Variants in MYCL observed in about 807,000 individuals in gnomAD.
MYCL encodes protein L-Myc.
A neutral mutation model predicts 31.0 loss-of-function variants in MYCL; 11 were observed. The observed-to-expected ratio is 0.35, with a 90% confidence interval of 0.22 to 0.59. The LOEUF (loss-of-function observed/expected upper bound fraction) is 0.59. Among genes scored for constraint, MYCL ranks in the 20% least tolerant of loss-of-function variants. The pLI, the probability that MYCL is intolerant of heterozygous loss-of-function variation, is 0.79. For synonymous variants in MYCL, 208 were observed against 202.4 expected (o/e 1.03, Z -0.23); for missense variants, 427 against 486.1 (o/e 0.88, Z 1.14).
Position 39,897,501 on chromosome 1 carries a change from G to C in MYCL, c.966C>G (p.Ile322Met). 1 of 1,614,200 alleles carries C rather than the reference G, an allele frequency of 6.2e-7. No individual in the cohort carries two copies. Among genetic ancestry groups the C allele is most frequent in the Admixed American group, 1.7e-5 (1 of 60,020 alleles). ...GCAAGTATTCCAAGGCCTTGCTTAG[G>C]ATCACTACTTTGGGGGCCTTGGAGC... ...ASCSKAPKVV[I>M]LSKALEYLQA... The change falls in exon 2 of 2, where the codon ATC becomes ATG. Residue 322 changes from isoleucine to methionine, a missense_variant. Physicochemically the swap from Ile to Met is conservative, Grantham distance 10. Transcript: ENST00000372816. This position sits in a 1 kb window ranked among gnomAD's most constrained non-coding sequence, Gnocchi z 4.3.
chr1:39,901,843 C>T lies in MYCL; in HGVS notation c.-409G>A, dbSNP rs540527128. On this transcript the variant is annotated 5_prime_UTR_variant, in exon 1 of 2. Coordinates refer to ENST00000372816, the MANE Select transcript of MYCL (RefSeq NM_001033081.3). The surrounding 1 kb of genome is among the most constrained non-coding windows in gnomAD (Gnocchi z 6.9). ...CCGCCCGCCACCTGGAGCGGACCGG[C>T]TCCCCGCCGGCTCGGGGCAGCCCGG... 26 of 1,260,466 alleles carry T rather than the reference C, an allele frequency of 2.1e-5. No individual in the cohort carries two copies. Among genetic ancestry groups the T allele is most frequent in the Non-Finnish European group, 2.5e-5 (25 of 992,236 alleles). 78.1% of individuals were successfully genotyped at this position (1,260,466 alleles called of 1,614,324 possible). A position where few individuals can be genotyped will look rare whatever the true frequency, so the allele number is the denominator to read the frequency against.
chr1:39,901,096 G>A lies in MYCL; in HGVS notation c.339C>T (p.Leu113=), dbSNP rs61751008. 19,549 of 1,584,052 alleles carry A rather than the reference G, an allele frequency of 0.012. 166 individuals are homozygous for A. The highest frequency in any genetic ancestry group is 0.014 in the Non-Finnish European group (16,207 of 1,165,542). ...GGTTCCCCCGGGGCGCGCCAGGAGC[G>A]AGCCGGTCGCTCACAGCTCTCTCCA... is the stretch of plus-strand genomic sequence containing the variant. ...ERLERAVSDR[L]APGAPRGNPP... The change falls in exon 1 of 2, where the codon CTC becomes CTT. Residue 113 remains leucine (L), a synonymous_variant. Coordinates refer to ENST00000372816, the MANE Select transcript of MYCL (RefSeq NM_001033081.3). The surrounding 1 kb of genome is among the most constrained non-coding windows in gnomAD (Gnocchi z 6.9).
rs531538942 is a variant in MYCL, at chr1:39,895,782, G to A, written c.*1590C>T. 7.1e-5 allele frequency: 16 copies of A among 226,188 alleles called. No homozygotes were observed. The South Asian group carries it at 2.8e-3, about 39-fold the overall frequency. 14.0% of individuals were successfully genotyped at this position (226,188 alleles called of 1,614,324 possible). On this transcript the variant is annotated 3_prime_UTR_variant, in exon 2 of 2. Coordinates refer to ENST00000372816, the MANE Select transcript of MYCL (RefSeq NM_001033081.3). The stretch of plus-strand genomic sequence containing the variant: ...GGCTTTTGTAAACCATGCTCCAGAA[G>A]GGTAGAGAGGCTATTTCCAAACATC...
intron 1 of MYCL, chr1:39,899,569 C>T: frequency 5.2e-6 from 5 of 967,108 alleles, no homozygotes; most frequent in Non-Finnish European, 6.1e-6. Flanking sequence ...AAATGTCCAA[C>T]TTCCAAAGCA....
intron 1 of MYCL, chr1:39,899,594 C>G (rs565662311): frequency 8.1e-6 from 8 of 983,320 alleles, no homozygotes; most frequent in African/African-American, 3.5e-5. Context: ...TCTTTCCACT[C>G]TACCACTCCA....
chr1:39,898,141 AG>A (rs1644501628), intron 1 of MYCL, 171 bp from the exon 2 acceptor site: 1 of 947,430 alleles, frequency 1.1e-6, no homozygotes, highest in Non-Finnish European at 1.5e-6. Context: ...TAATGTGGTA[AG>A]GGCACAGTGA....
Position 39,897,806 on chromosome 1 carries a change from C to G in MYCL, c.661G>C (p.Glu221Gln), listed in dbSNP as rs756686550. The G allele has an allele frequency of 6.2e-7, 1 of 1,614,184 alleles. No individual in the cohort carries two copies. The highest frequency in any genetic ancestry group is 1.7e-5 in the Admixed American group (1 of 60,030). Residue 221 changes from glutamate (E) to glutamine (Q), a missense_variant, in exon 2 of 2, where the codon GAA becomes CAA. By Grantham distance (29) the Glu-to-Gln change is conservative. Coordinates refer to ENST00000372816, the MANE Select transcript of MYCL (RefSeq NM_001033081.3). This position sits in a 1 kb window ranked among gnomAD's most constrained non-coding sequence, Gnocchi z 4.3. The stretch of plus-strand genomic sequence containing the variant: ...GAAGCCTCTTCTTGGGAGCAGCTTT[C>G]TGGAGGAAAACGGGCAGCATAGTTG... ...QHNYAARFPPESCSQEEASER... is the reference protein window; with the variant it reads ...QHNYAARFPPQSCSQEEASER...
rs1644479135 is a variant in MYCL, at chr1:39,895,914, C to T, written c.*1458G>A. ...CCAGAGCCATATATAGTACTTACCACCCCCTACCCACCCCAACTTCCAAAC... is the reference window on the plus strand; with the variant it reads ...CCAGAGCCATATATAGTACTTACCATCCCCTACCCACCCCAACTTCCAAAC... On this transcript the variant is annotated 3_prime_UTR_variant, in exon 2 of 2. Transcript: ENST00000372816. 4.5e-6 allele frequency: 1 copy of T among 222,894 alleles called. No homozygotes were observed. The highest frequency in any genetic ancestry group is 1.8e-4 in the South Asian group (1 of 5,430). The allele number at this position is 222,894 out of a possible 1,614,324, so 13.8% of individuals were successfully genotyped here.
intron 1 of MYCL, chr1:39,898,930 A>G (rs1260598006): frequency 1.0e-6 from 1 of 985,340 alleles, no homozygotes; most frequent in East Asian, 1.1e-4. Context: ...CAGCCTCCAC[A>G]CAGAAGTCCA....
chr1:39,900,551 C>T (rs1457776002), intron 1 of MYCL: 1 of 1,175,782 alleles, frequency 8.5e-7, no homozygotes, highest in African/African-American at 1.6e-5. Flanking sequence ...TCTTCTCCCC[C>T]TAGGGGAGTG....
rs1201282593 is a variant in MYCL, at chr1:39,901,267, G to C, written c.168C>G (p.Pro56=). 1 of 1,600,890 alleles carries C rather than the reference G, an allele frequency of 6.2e-7. No homozygotes were observed. The highest frequency in any genetic ancestry group is 8.5e-7 in the Non-Finnish European group (1 of 1,174,324). The change falls in exon 1 of 2, where the codon CCC becomes CCG. Residue 56 remains proline, a synonymous_variant. Coordinates refer to ENST00000372816, the MANE Select transcript of MYCL (RefSeq NM_001033081.3). The surrounding 1 kb of genome is among the most constrained non-coding windows in gnomAD (Gnocchi z 6.9). ...GCCACGGCTCCGGGGGACCAATCCC[G>C]GGGGCCGGGTCCCCTGCGCCGGGAC... ...GLGPGAGDPA[P]GIGPPEPWPG... is the part of the protein sequence containing the mutation.
chr1:39,899,613 T>C, intron 1 of MYCL: 10 of 984,848 alleles, frequency 1.0e-5, no homozygotes, highest in Non-Finnish European at 1.2e-5. Flanking sequence ...CACCAGCCGT[T>C]GTAGAGATAC....
chr1:39,901,449 G>C lies in MYCL; in HGVS notation c.-15C>G. 1 of 1,606,670 alleles carries C rather than the reference G, an allele frequency of 6.2e-7. No individual in the cohort carries two copies. Among genetic ancestry groups the C allele is most frequent in the Non-Finnish European group, 8.5e-7 (1 of 1,179,138 alleles). On this transcript the variant is annotated 5_prime_UTR_variant, in exon 1 of 2. Transcript: ENST00000372816. The surrounding 1 kb of genome is among the most constrained non-coding windows in gnomAD (Gnocchi z 6.9). ...TCGTAGTCCATGTCCGCTCCCTGCG[G>C]GAGGGAAGGGGGGACGTGCTGACCG...
At chr1:39,899,047 C>A (rs952951604) in intron 1 of MYCL, 2 of 985,314 alleles carry the variant, frequency 2.0e-6, no homozygotes, top group Admixed American at 6.1e-5. Flanking sequence ...TGTGGACAAT[C>A]GCATTATTTC....
intron 1 of MYCL, chr1:39,900,132 G>A (rs1367272414): frequency 2.0e-6 from 2 of 985,502 alleles, no homozygotes; most frequent in Non-Finnish European, 1.2e-6. Context: ...ATGCCAGGGA[G>A]CAGCTGACGC....
intron 1 of MYCL, 79 bp from the exon 2 acceptor site, chr1:39,898,049 A>T: frequency 6.6e-7 from 1 of 1,521,180 alleles, no homozygotes; most frequent in Non-Finnish European, 8.8e-7. Context: ...TTAGCTGTCT[A>T]CGCTGGTGCT....
chr1:39,901,555 C>A lies in MYCL; in HGVS notation c.-121G>T. On this transcript the variant is annotated 5_prime_UTR_variant, in exon 1 of 2. Coordinates refer to ENST00000372816, the MANE Select transcript of MYCL (RefSeq NM_001033081.3). This position sits in a 1 kb window ranked among gnomAD's most constrained non-coding sequence, Gnocchi z 6.9. The stretch of plus-strand genomic sequence containing the variant: ...GGCTCTCGTTCCTCCCCAACCCCAC[C>A]AGCTTGCAGCCTGCGCCCAGTCCTC... The A allele has an allele frequency of 6.8e-7, 1 of 1,467,908 alleles. No individual in the cohort carries two copies. The highest frequency in any genetic ancestry group is 8.9e-7 in the Non-Finnish European group (1 of 1,120,616). 90.9% of individuals were successfully genotyped at this position (1,467,908 alleles called of 1,614,324 possible). A position where few individuals can be genotyped will look rare whatever the true frequency, so the allele number is the denominator to read the frequency against.
chr1:39,898,828 C>G, intron 1 of MYCL: 1 of 985,472 alleles, frequency 1.0e-6, no homozygotes, highest in Non-Finnish European at 1.2e-6. Context: ...TGGACACGCC[C>G]TTCTCATTCA....
chr1:39,899,150 C>T (rs970121572), intron 1 of MYCL: 1 of 908,166 alleles, frequency 1.1e-6, no homozygotes, highest in Non-Finnish European at 1.3e-6. Flanking sequence ...TACCCAGCCC[C>T]TAGCCCCTAT....
Sources: allele counts gnomAD v4.1 joint callset, GRCh38; gene constraint gnomAD v4.1.1; non-coding constraint Gnocchi (gnomAD v3.1); transcripts MANE v1.5; gene names NCBI Gene and HGNC (gene_info 2026-07-23, HGNC 2026-07-21).